The following IQCM variants were observed in gnomAD, a reference collection of about 807,000 sequenced individuals.
IQCM encodes IQ motif containing M.
Under a neutral mutation model 57.6 loss-of-function variants are expected in IQCM, and 45 were observed. The ratio of observed to expected loss-of-function variants is 0.78; its 90% confidence interval spans 0.62 to 1.00. The LOEUF (loss-of-function observed/expected upper bound fraction) is 1.00, where lower values mean the gene tolerates loss of function less well. Among genes scored for constraint, IQCM ranks in the 50% least tolerant of loss-of-function variants. IQCM has a pLI of 0.00. For synonymous variants in IQCM, 148 were observed against 158.9 expected, an observed-to-expected ratio of 0.93 and a Z score of 0.51; for missense variants, 468 against 511.6, an observed-to-expected ratio of 0.91 and a Z score of 0.82.
intron 12 of IQCM, among the ~76,000 whole-genome samples, chr4:149,490,953 T>C (rs531454868): frequency 6.6e-6 from 1 of 152,164 alleles, no homozygotes; most frequent in South Asian, 2.1e-4. Flanking sequence ...AAGAGGAAGA[T>C]TAGTTTGGAT....
At chr4:149,799,311 C>A (rs1197291432) in intron 2 of IQCM, among the ~76,000 whole-genome samples, 1 of 151,332 alleles carries the variant, frequency 6.6e-6, no homozygotes, top group East Asian at 1.9e-4. Flanking sequence ...AATGGAAACA[C>A]AACATACCAA....
At chr4:149,681,616 C>A (rs1322779709) in intron 7 of IQCM, among the ~76,000 whole-genome samples, 1 of 151,072 alleles carries the variant, frequency 6.6e-6, no homozygotes, top group Non-Finnish European at 1.5e-5. Context: ...AAAAGTCCTA[C>A]TTTACAAGAA....
chr4:149,354,363 CA>C (rs70965178), intron 13 of IQCM, among the ~76,000 whole-genome samples: 230 of 20,256 alleles, frequency 0.011, no homozygotes, highest in African/African-American at 0.045. Flanking sequence ...GACTCCGTCT[CA>C]AAAAAAAAAA....
chr4:149,471,094 C>G (rs1470701681), intron 12 of IQCM, among the ~76,000 whole-genome samples: 1 of 152,016 alleles, frequency 6.6e-6, no homozygotes, highest in East Asian at 1.9e-4. Context: ...CAAAAGCTAG[C>G]AGAAGGTAAG....
At chr4:149,388,410 C>T (rs1325043685) in intron 13 of IQCM, among the ~76,000 whole-genome samples, 1 of 149,962 alleles carries the variant, frequency 6.7e-6, no homozygotes, top group Non-Finnish European at 1.5e-5. Flanking sequence ...AGTAGACTTT[C>T]ACTATGCTTT....
chr4:149,713,310 A>G (rs912704968), intron 5 of IQCM, among the ~76,000 whole-genome samples: 6 of 152,196 alleles, frequency 3.9e-5, no homozygotes, highest in African/African-American at 7.2e-5. Context: ...GTCAATCCTT[A>G]TGAACACTCC....
At chr4:149,434,978 A>C (rs1735210554) in intron 12 of IQCM, among the ~76,000 whole-genome samples, 1 of 152,058 alleles carries the variant, frequency 6.6e-6, no homozygotes, top group Admixed American at 6.6e-5. Flanking sequence ...CTTCTCCATG[A>C]GTGCCACTAG....
At chr4:149,397,356 C>T (rs1732299295) in intron 13 of IQCM, among the ~76,000 whole-genome samples, 1 of 151,742 alleles carries the variant, frequency 6.6e-6, no homozygotes, top group African/African-American at 2.4e-5. Flanking sequence ...ACTCTGTGTC[C>T]CCACCCAAAT....
intron 8 of IQCM, among the ~76,000 whole-genome samples, chr4:149,614,251 A>C (rs891222476): frequency 1.3e-5 from 2 of 152,138 alleles, no homozygotes. Context: ...GTAATCCTGT[A>C]CTTCAAGCAT....
chr4:149,632,167 T>G (rs1757323665), intron 7 of IQCM, among the ~76,000 whole-genome samples: 1 of 152,188 alleles, frequency 6.6e-6, no homozygotes, highest in African/African-American at 2.4e-5. Flanking sequence ...GGGATGACTT[T>G]CCATGATATC....
At chr4:149,535,386 T>A (rs1747188188) in intron 12 of IQCM, among the ~76,000 whole-genome samples, 1 of 152,032 alleles carries the variant, frequency 6.6e-6, no homozygotes, top group Non-Finnish European at 1.5e-5. Context: ...GTTTTTCTCA[T>A]CAGGGAGTTT....
intron 13 of IQCM, among the ~76,000 whole-genome samples, chr4:149,357,439 G>C (rs1351194774): frequency 6.6e-6 from 1 of 152,086 alleles, no homozygotes; most frequent in Non-Finnish European, 1.5e-5. Context: ...AATTTATTGA[G>C]AGTTTTTAGC....
Position 149,521,269 on chromosome 4 carries a change from C to CA in IQCM, c.1228+27185dup, listed in dbSNP as rs747824000. Reference sequence around the variant, plus strand: ...GCATTTGAAAGGAAGAGAAGGAGAACAAAAACAAGGAAAGAAAGGAAAAAA... The same window carrying CA: ...GCATTTGAAAGGAAGAGAAGGAGAACAAAAAACAAGGAAAGAAAGGAAAAAA... On this transcript the variant is annotated intron_variant, in intron 12 of 13. Coordinates refer to ENST00000636793, the MANE Select transcript of IQCM (RefSeq NM_001363507.2). 1.4e-4 allele frequency among the ~76,000 whole-genome samples: 21 copies of CA among 146,730 alleles called. No individual in the cohort carries two copies. In the South Asian group the frequency reaches 1.5e-3, roughly 11 times the overall value.
At chr4:149,358,837 C>A (rs988643987) in intron 13 of IQCM, among the ~76,000 whole-genome samples, 1 of 151,266 alleles carries the variant, frequency 6.6e-6, no homozygotes. Flanking sequence ...CATGACAGCA[C>A]AGTGGACAGT....
chr4:149,727,118 TTTA>T, intron 5 of IQCM, among the ~76,000 whole-genome samples: 1 of 152,184 alleles, frequency 6.6e-6, no homozygotes, highest in East Asian at 1.9e-4. Context: ...TAGAAAATTT[TTTA>T]TTATATGTGG....
At chr4:149,433,868 T>C (rs536286121) in intron 12 of IQCM, among the ~76,000 whole-genome samples, 131 of 152,150 alleles carry the variant, frequency 8.6e-4, no homozygotes, top group Non-Finnish European at 1.6e-3. Flanking sequence ...AACATATCCA[T>C]ATATTCTTAC....
intron 5 of IQCM, among the ~76,000 whole-genome samples, chr4:149,717,379 T>A (rs967000331): frequency 6.6e-6 from 1 of 152,178 alleles, no homozygotes; most frequent in African/African-American, 2.4e-5. Flanking sequence ...GAAATTCCCA[T>A]ACGTTTTGGT....
intron 13 of IQCM, among the ~76,000 whole-genome samples, chr4:149,422,637 A>G (rs1734195588): frequency 1.3e-5 from 2 of 151,960 alleles, no homozygotes; most frequent in Admixed American, 1.3e-4. Flanking sequence ...GTGTGCATGA[A>G]GGGGGTGGAG....
intron 5 of IQCM, among the ~76,000 whole-genome samples, chr4:149,725,574 G>T (rs1365751480): frequency 1.3e-5 from 2 of 152,094 alleles, no homozygotes; most frequent in African/African-American, 4.8e-5. Flanking sequence ...GAGATTTTCA[G>T]GAGGATTTCT....
Sources: allele counts gnomAD v4.1 joint callset (sites outside exome capture counted in the v4.1 genomes callset), GRCh38; gene constraint gnomAD v4.1.1; transcripts MANE v1.5; gene names NCBI Gene and HGNC (gene_info 2026-07-23, HGNC 2026-07-21).